Variants in LGSN observed in about 807,000 individuals in gnomAD.
LGSN encodes the protein lengsin, lens protein with glutamine synthetase domain.
LGSN carries 21 observed loss-of-function variants against 19.5 expected under a neutral mutation model. The observed-to-expected ratio is 1.07, with a 90% CI of 0.76 to 1.55. The LOEUF is 1.55. Ranked by LOEUF, LGSN falls within the 40% of genes most tolerant of loss-of-function variation. The pLI, the probability that LGSN is intolerant of heterozygous loss-of-function variation, is 0.00. For missense variants in LGSN, 673 were observed against 608.5 expected (o/e 1.11, Z -1.12); for synonymous variants, 257 against 215.6 (o/e 1.19, Z -1.68).
At chr6:63,311,759 C>T (rs73432877) in intron 1 of LGSN, among the ~76,000 whole-genome samples, 2,076 of 152,258 alleles carry the variant, frequency 0.014, 57 homozygotes, top group African/African-American at 0.047. Flanking sequence ...TTATAATACA[C>T]ATTTTCCATG....
At chr6:63,397,818 T>C in the LGSN span, among the ~76,000 whole-genome samples, 3 of 151,960 alleles carry the variant, frequency 2.0e-5, no homozygotes, top group East Asian at 3.9e-4. Flanking sequence ...ATTACACCTA[T>C]AATCCCAGCT....
At chr6:63,405,416 G>A in the LGSN span, among the ~76,000 whole-genome samples, 11 of 152,198 alleles carry the variant, frequency 7.2e-5, no homozygotes, top group South Asian at 1.7e-3. Context: ...GTTTACAGTC[G>A]CACCAACAGT....
the LGSN span, among the ~76,000 whole-genome samples, chr6:63,412,571 G>GA: frequency 4.6e-3 from 290 of 62,792 alleles, 2 homozygotes; most frequent in South Asian, 0.018. Flanking sequence ...AGAAAGAAAG[G>GA]AAGGAAGGAA....
chr6:63,332,580 G>A, the LGSN span, among the ~76,000 whole-genome samples: 1 of 152,140 alleles, frequency 6.6e-6, no homozygotes, highest in Non-Finnish European at 1.5e-5. Context: ...AGAGTTGGGG[G>A]TTGTTAGAGA....
chr6:63,294,357 AAAAT>A (rs1037014796), intron 2 of LGSN, among the ~76,000 whole-genome samples: 4 of 152,074 alleles, frequency 2.6e-5, no homozygotes, highest in East Asian at 1.9e-4. Flanking sequence ...TAATTAATTA[AAAAT>A]AAATAAATAA....
At chr6:63,528,238 G>A in the LGSN span, among the ~76,000 whole-genome samples, 1 of 152,160 alleles carries the variant, frequency 6.6e-6, no homozygotes, top group Non-Finnish European at 1.5e-5. Flanking sequence ...TAGTAACACA[G>A]ACAGCCATGG....
chr6:63,565,681 G>A, the LGSN span, among the ~76,000 whole-genome samples: 1 of 152,114 alleles, frequency 6.6e-6, no homozygotes, highest in African/African-American at 2.4e-5. Context: ...TTTGTCCTTA[G>A]GCCAGATTCC....
chr6:63,496,149 T>C, the LGSN span, among the ~76,000 whole-genome samples: 2 of 152,194 alleles, frequency 1.3e-5, no homozygotes, highest in Non-Finnish European at 2.9e-5. Flanking sequence ...GGTCTCGAAC[T>C]CCTTACCTCA....
chr6:63,536,127 T>C, the LGSN span, among the ~76,000 whole-genome samples: 2 of 151,918 alleles, frequency 1.3e-5, no homozygotes, highest in Admixed American at 1.3e-4. Flanking sequence ...AGGCCAACAG[T>C]TCCAGACCAG....
the LGSN span, among the ~76,000 whole-genome samples, chr6:63,340,325 G>T: frequency 6.6e-6 from 1 of 152,142 alleles, no homozygotes; most frequent in East Asian, 1.9e-4. Context: ...GATTTGGGAA[G>T]TTTTCAGTTA....
chr6:63,422,443 T>C, the LGSN span, among the ~76,000 whole-genome samples: 1 of 152,224 alleles, frequency 6.6e-6, no homozygotes, highest in African/African-American at 2.4e-5. Context: ...GGGTAGGCTG[T>C]ATATATGCAG....
the LGSN span, among the ~76,000 whole-genome samples, chr6:63,327,229 A>C: frequency 6.6e-6 from 1 of 152,214 alleles, no homozygotes; most frequent in Non-Finnish European, 1.5e-5. Flanking sequence ...TTCCATTTGT[A>C]AAACCATCTG....
chr6:63,471,915 C>T, the LGSN span, among the ~76,000 whole-genome samples: 1 of 152,140 alleles, frequency 6.6e-6, no homozygotes, highest in African/African-American at 2.4e-5. Context: ...CATTCTCTCT[C>T]TACCATGTGA....
At chr6:63,546,497 G>A in the LGSN span, among the ~76,000 whole-genome samples, 2 of 152,210 alleles carry the variant, frequency 1.3e-5, no homozygotes, top group Non-Finnish European at 2.9e-5. Flanking sequence ...CTTGAGGCAA[G>A]GAGTTCGAGA....
chr6:63,412,687 AAGAG>A, the LGSN span, among the ~76,000 whole-genome samples: 1 of 125,380 alleles, frequency 8.0e-6, no homozygotes, highest in African/African-American at 3.4e-5. Context: ...GAAAGAAAGA[AAGAG>A]AAAGAAAGAA....
chr6:63,351,593 A>C, the LGSN span, among the ~76,000 whole-genome samples: 1 of 152,030 alleles, frequency 6.6e-6, no homozygotes, highest in Non-Finnish European at 1.5e-5. Context: ...AGCAGCTGGG[A>C]TTACAGGTGC....
chr6:63,431,212 C>A, the LGSN span, among the ~76,000 whole-genome samples: 2 of 152,106 alleles, frequency 1.3e-5, no homozygotes, highest in African/African-American at 4.8e-5. Flanking sequence ...CCTTGAGTCA[C>A]CAAATTATTA....
At chr6:63,371,723 T>C in the LGSN span, among the ~76,000 whole-genome samples, 1 of 152,216 alleles carries the variant, frequency 6.6e-6, no homozygotes, top group Admixed American at 6.5e-5. Context: ...AAATAGGGAA[T>C]GATTTACATT....
chr6:63,358,764 T>C, the LGSN span, among the ~76,000 whole-genome samples: 4 of 152,114 alleles, frequency 2.6e-5, no homozygotes, highest in South Asian at 4.1e-4. Flanking sequence ...AATATACAAT[T>C]ATGTCACCTG....
Sources: gnomAD v4.1 joint callset for allele counts (sites outside exome capture counted in the v4.1 genomes callset) on GRCh38, gnomAD v4.1.1 for gene constraint, MANE v1.5 for transcripts, NCBI Gene and HGNC (gene_info 2026-07-23, HGNC 2026-07-21) for gene names.